The following TTC28 variants were observed in gnomAD, a reference collection of about 807,000 sequenced individuals.
TTC28 encodes the protein tetratricopeptide repeat protein 28.
A neutral mutation model predicts 198.0 loss-of-function variants in TTC28; 61 were observed. The observed-to-expected ratio is 0.31, with a 90% CI of 0.25 to 0.38. The LOEUF (loss-of-function observed/expected upper bound fraction) is 0.38. Ranked by LOEUF, TTC28 falls within the 10% of genes least tolerant of loss-of-function variation. TTC28 has a pLI of 1.00. For synonymous variants in TTC28, 1,171 were observed against 1,297.8 expected (o/e 0.90, Z 2.10); for missense variants, 2,678 against 3,164.0 (o/e 0.85, Z 3.69).
intron 1 of TTC28, among the ~76,000 whole-genome samples, chr22:28,657,245 C>G (rs1035434570): frequency 6.6e-6 from 1 of 152,164 alleles, no homozygotes; most frequent in Non-Finnish European, 1.5e-5. Context: ...CCACTACATA[C>G]GCCTCAATGC....
chr22:28,347,582 T>C (rs1229420458), intron 2 of TTC28, among the ~76,000 whole-genome samples: 1 of 152,096 alleles, frequency 6.6e-6, no homozygotes, highest in Admixed American at 6.5e-5. Flanking sequence ...GTAGAAAGAA[T>C]AGCACCTGGC....
chr22:28,255,170 T>A (rs2147283351), intron 5 of TTC28, among the ~76,000 whole-genome samples: 1 of 152,210 alleles, frequency 6.6e-6, no homozygotes, highest in East Asian at 1.9e-4. Flanking sequence ...TGCAATTTTT[T>A]TAAAAAAAGC....
At chr22:28,523,280 ATAAT>A (rs975690590) in intron 2 of TTC28, among the ~76,000 whole-genome samples, 15 of 152,276 alleles carry the variant, frequency 9.9e-5, no homozygotes, top group Non-Finnish European at 2.1e-4. Context: ...TTTAATAGAA[ATAAT>A]TAAGAATAGT....
At chr22:28,186,125 A>G (rs1408494145) in intron 5 of TTC28, among the ~76,000 whole-genome samples, 3 of 152,236 alleles carry the variant, frequency 2.0e-5, no homozygotes, top group African/African-American at 7.2e-5. Context: ...ATATAGACTT[A>G]GAATTTTATT....
intron 5 of TTC28, among the ~76,000 whole-genome samples, chr22:28,240,550 C>T (rs1929590440): frequency 6.6e-6 from 1 of 151,804 alleles, no homozygotes; most frequent in Non-Finnish European, 1.5e-5. Flanking sequence ...TACATGTATA[C>T]ATGTATAAAT....
At chr22:28,288,976 C>A (rs377665164) in intron 5 of TTC28, among the ~76,000 whole-genome samples, 261 of 152,286 alleles carry the variant, frequency 1.7e-3, no homozygotes, top group African/African-American at 6.0e-3. Context: ...ACTTTGCTCA[C>A]AGACCCAAGT....
chr22:28,557,961 C>G (rs894066412), intron 2 of TTC28, among the ~76,000 whole-genome samples: 1 of 152,176 alleles, frequency 6.6e-6, no homozygotes, highest in African/African-American at 2.4e-5. Flanking sequence ...TCCAAGGCTA[C>G]CTTTCATGAT....
At chr22:28,238,471 T>C (rs941115492) in intron 5 of TTC28, among the ~76,000 whole-genome samples, 2 of 152,206 alleles carry the variant, frequency 1.3e-5, no homozygotes, top group African/African-American at 4.8e-5. Context: ...AAATGTTCTC[T>C]TCTAAATCTT....
At chr22:28,385,452 T>C (rs2046564852) in intron 2 of TTC28, among the ~76,000 whole-genome samples, 1 of 151,706 alleles carries the variant, frequency 6.6e-6, no homozygotes, top group South Asian at 2.1e-4. Context: ...TATACTTTTT[T>C]ACAGTTTACA....
chr22:28,467,585 T>C (rs1407637824), intron 2 of TTC28, among the ~76,000 whole-genome samples: 2 of 152,222 alleles, frequency 1.3e-5, no homozygotes, highest in Non-Finnish European at 2.9e-5. Flanking sequence ...ATATGGTCAT[T>C]TTCTTCTATC....
intron 2 of TTC28, among the ~76,000 whole-genome samples, chr22:28,558,991 C>T (rs185333344): frequency 1.1e-4 from 16 of 151,816 alleles, no homozygotes; most frequent in East Asian, 5.8e-4. Context: ...GCCGAGATCA[C>T]GCCACTGCAC....
At chr22:28,636,263 C>G (rs566925276) in intron 1 of TTC28, among the ~76,000 whole-genome samples, 171 of 146,534 alleles carry the variant, frequency 1.2e-3, no homozygotes, top group African/African-American at 4.2e-3. Flanking sequence ...GTAGCTGGGA[C>G]TACAGGTGCC....
chr22:28,535,895 A>T (rs1258532229), intron 2 of TTC28, among the ~76,000 whole-genome samples: 1 of 151,970 alleles, frequency 6.6e-6, no homozygotes. Flanking sequence ...AGCTGATTAA[A>T]TCTCTTTTCT....
chr22:28,585,771 A>G (rs567751908), intron 2 of TTC28, among the ~76,000 whole-genome samples: 2 of 152,260 alleles, frequency 1.3e-5, no homozygotes, highest in African/African-American at 4.8e-5. Flanking sequence ...TCATTGTCTT[A>G]AAGGTCAATA....
intron 8 of TTC28, among the ~76,000 whole-genome samples, chr22:28,104,458 AC>A (rs1428748391): frequency 6.6e-6 from 1 of 152,176 alleles, no homozygotes; most frequent in African/African-American, 2.4e-5. Flanking sequence ...GAAATCAGTA[AC>A]CATTCCTTTT....
At chr22:28,645,383 C>A (rs879199519) in intron 1 of TTC28, among the ~76,000 whole-genome samples, 2 of 152,066 alleles carry the variant, frequency 1.3e-5, no homozygotes, top group Admixed American at 6.5e-5. Context: ...AATCCCAGCA[C>A]TTTGGGAGGC....
chr22:28,148,970 C>T (rs942525468), intron 6 of TTC28, among the ~76,000 whole-genome samples: 4 of 152,160 alleles, frequency 2.6e-5, no homozygotes, highest in African/African-American at 9.7e-5. Flanking sequence ...TTCATCCATT[C>T]AAGACATACA....
At chr22:28,223,580 T>A (rs78163517) in intron 5 of TTC28, among the ~76,000 whole-genome samples, 1 of 152,150 alleles carries the variant, frequency 6.6e-6, no homozygotes, top group Non-Finnish European at 1.5e-5. Context: ...CAGTGGAACA[T>A]CCTGAATGAT....
intron 2 of TTC28, among the ~76,000 whole-genome samples, chr22:28,537,153 C>T (rs1287855406): frequency 1.3e-5 from 2 of 151,152 alleles, no homozygotes; most frequent in Non-Finnish European, 3.0e-5. Context: ...ATTAGCCGGG[C>T]GTGGTGGCGG....
Sources: allele counts gnomAD v4.1 joint callset (sites outside exome capture counted in the v4.1 genomes callset), GRCh38; gene constraint gnomAD v4.1.1; transcripts MANE v1.5; gene names NCBI Gene and HGNC (gene_info 2026-07-23, HGNC 2026-07-21).